Variants in PTCHD1 observed in about 807,000 individuals in gnomAD.
PTCHD1 encodes patched domain containing 1, also known as patched domain-containing protein 1.
Under a neutral mutation model 34.6 loss-of-function variants are expected in PTCHD1, and 3 were observed. The observed-to-expected ratio is 0.09, with a 90% confidence interval of 0.04 to 0.22. The LOEUF (loss-of-function observed/expected upper bound fraction) is 0.22, where lower values mean the gene tolerates loss of function less well. Among genes scored for constraint, PTCHD1 ranks in the 10% least tolerant of loss-of-function variants. The pLI is 1.00. For synonymous variants in PTCHD1, 305 were observed against 283.1 expected (o/e 1.08, Z -0.77); for missense variants, 504 against 685.5 (o/e 0.74, Z 2.96).
rs1923144728 is a variant in PTCHD1 at position 23,402,335 on chromosome X, C to T, written c.*8150C>T. 1 of 111,680 alleles carries T rather than the reference C, an allele frequency of 9.0e-6. No individual in the cohort carries two copies. The highest frequency in any genetic ancestry group is 3.3e-5 in the African/African-American group (1 of 30,639). The allele number at this position is 111,680 out of a possible 1,213,427, so 9.2% of individuals were successfully genotyped here. On this transcript the variant is annotated 3_prime_UTR_variant, in exon 3 of 3. Transcript: ENST00000379361. ...TCTCTCTCTCTCTCACACACACACA[C>T]ACAGAGTGGATGGGAGGGGACATTA... is the stretch of plus-strand genomic sequence containing the variant.
At chrX:23,366,241 T>TC (rs1170589704) in intron 1 of PTCHD1, among the ~76,000 whole-genome samples, 1 of 112,164 alleles carries the variant, frequency 8.9e-6, no homozygotes, top group East Asian at 2.8e-4. Flanking sequence ...GTTACACTCT[T>TC]CATCCTTTCC....
intron 1 of PTCHD1, among the ~76,000 whole-genome samples, chrX:23,348,906 T>C (rs926969382): frequency 1.8e-5 from 2 of 112,110 alleles, no homozygotes; most frequent in Admixed American, 9.5e-5. Flanking sequence ...TTTTTCTTAC[T>C]CTTAATTGAT....
intron 1 of PTCHD1, among the ~76,000 whole-genome samples, chrX:23,372,676 T>C (rs1238419540): frequency 9.0e-6 from 1 of 111,667 alleles, no homozygotes; most frequent in East Asian, 2.8e-4. Context: ...AGCTGTTGCC[T>C]GTTCCCAAGC....
At chrX:23,389,195 G>A (rs1032352686) in intron 2 of PTCHD1, among the ~76,000 whole-genome samples, 6 of 111,863 alleles carry the variant, frequency 5.4e-5, no homozygotes, top group South Asian at 7.5e-4. Flanking sequence ...ATATAATTCC[G>A]GCATTCTGGA....
intron 1 of PTCHD1, among the ~76,000 whole-genome samples, chrX:23,366,346 C>T (rs1346066904): frequency 8.9e-6 from 1 of 112,140 alleles, no homozygotes; most frequent in African/African-American, 3.2e-5. Context: ...CTCGCAGTTG[C>T]CCACAGGACA....
chrX:23,350,060 TAAAAAAAAAAAAAAA>T lies in PTCHD1; in HGVS notation c.351+14849_351+14863del, dbSNP rs57194123. ...CTAGGAAAGCTCCCTTTAGTGCTGT[TAAAAAAAAAAAAAAA>T]AAAAAAAAAAAAAAGACCTGTGTGG... On this transcript the variant is annotated intron_variant, in intron 1 of 2. Transcript: ENST00000379361. Among the ~76,000 whole-genome samples the T allele has an allele frequency of 5.8e-3, 234 of 40,432 alleles. 3 individuals carry two copies. The highest frequency in any genetic ancestry group is 0.024 in the African/African-American group (220 of 9,097). The allele number at this position is 40,432 out of a possible 115,157, so 35.1% of individuals were successfully genotyped here. A position where few individuals can be genotyped will look rare whatever the true frequency, so the allele number is the denominator to read the frequency against.
rs1045191092 is a variant in PTCHD1, at chrX:23,340,077, G to T, written c.351+4851G>T. Among the ~76,000 whole-genome samples the T allele has an allele frequency of 4.5e-5, 5 of 111,980 alleles. No individual in the cohort carries two copies. The South Asian group carries it at 1.1e-3, about 25-fold the overall frequency. ...ATCTAGTGGGTAGAGGCACAGCGTA[G>T]CCCCCACAACAACAAAATTACCCAG... is the stretch of plus-strand genomic sequence containing the variant. On this transcript the variant is annotated intron_variant, in intron 1 of 2. Coordinates refer to ENST00000379361, the MANE Select transcript of PTCHD1 (RefSeq NM_173495.3).
intron 2 of PTCHD1, among the ~76,000 whole-genome samples, chrX:23,387,536 T>C (rs929103229): frequency 4.4e-5 from 5 of 112,468 alleles, no homozygotes; most frequent in African/African-American, 9.7e-5. Flanking sequence ...CTTTAGTATT[T>C]TATTTTATTA....
intron 1 of PTCHD1, among the ~76,000 whole-genome samples, chrX:23,370,960 G>GC (rs1922261368): frequency 9.0e-6 from 1 of 111,227 alleles, no homozygotes; most frequent in Non-Finnish European, 1.9e-5. Flanking sequence ...TTGTCTGATA[G>GC]CCCCCTCAGG....
intron 1 of PTCHD1, among the ~76,000 whole-genome samples, chrX:23,358,654 A>C (rs976681369): frequency 1.8e-5 from 2 of 111,946 alleles, no homozygotes; most frequent in African/African-American, 6.5e-5. Context: ...TAGTTTAATT[A>C]GACCCCATTT....
At chrX:23,363,853 A>C (rs1027959863) in intron 1 of PTCHD1, among the ~76,000 whole-genome samples, 1 of 112,702 alleles carries the variant, frequency 8.9e-6, no homozygotes, top group Non-Finnish European at 1.9e-5. Flanking sequence ...CACTATGTAC[A>C]CCTGAGAGAA....
Position 23,394,190 on chromosome X carries a change from G to C in PTCHD1, c.*5G>C, listed in dbSNP as rs375501304. 1.7e-5 allele frequency: 20 copies of C among 1,152,537 alleles called. No homozygotes were observed. The highest frequency in any genetic ancestry group is 2.4e-5 in the Non-Finnish European group (20 of 847,948). The allele number at this position is 1,152,537 out of a possible 1,213,427, so 95.0% of individuals were successfully genotyped here. ...GACCAAATTACAACAGTGTGATAAT[G>C]TCTGCTTGGCATATTTTCACCTTAG... is the stretch of plus-strand genomic sequence containing the variant. On this transcript the variant is annotated 3_prime_UTR_variant, in exon 3 of 3. Coordinates refer to ENST00000379361, the MANE Select transcript of PTCHD1 (RefSeq NM_173495.3).
chrX:23,392,069 TC>T (rs1226809460), intron 2 of PTCHD1, among the ~76,000 whole-genome samples: 15 of 78,870 alleles, frequency 1.9e-4, no homozygotes, highest in African/African-American at 8.4e-4. Context: ...TTTCTTTCTT[TC>T]TTTCTTTTTT....
At chrX:23,391,777 C>G (rs1345366330) in intron 2 of PTCHD1, among the ~76,000 whole-genome samples, 2 of 111,937 alleles carry the variant, frequency 1.8e-5, no homozygotes, top group East Asian at 5.6e-4. Flanking sequence ...TTCTCTGGAG[C>G]GTTCCACCAA....
intron 1 of PTCHD1, among the ~76,000 whole-genome samples, chrX:23,342,869 T>G (rs1192391159): frequency 8.9e-6 from 1 of 112,176 alleles, no homozygotes; most frequent in Non-Finnish European, 1.9e-5. Flanking sequence ...TTCTCTCCCT[T>G]AAATCTATTG....
At chrX:23,355,058 C>T (rs191626253) in intron 1 of PTCHD1, among the ~76,000 whole-genome samples, 9 of 108,793 alleles carry the variant, frequency 8.3e-5, no homozygotes, top group African/African-American at 2.7e-4. Flanking sequence ...AGAAGCCAGC[C>T]AATTGCTGCG....
At chrX:23,354,708 G>A (rs1921753657) in intron 1 of PTCHD1, among the ~76,000 whole-genome samples, 1 of 107,336 alleles carries the variant, frequency 9.3e-6, no homozygotes, top group Non-Finnish European at 1.9e-5. Context: ...GAGTAGCTGC[G>A]ACTACAGGCG....
intron 1 of PTCHD1, among the ~76,000 whole-genome samples, chrX:23,345,703 C>G (rs7884040): frequency 0.095 from 10,576 of 110,769 alleles, 722 homozygotes; most frequent in East Asian, 0.52. Flanking sequence ...ACTTTCAGAG[C>G]CACTGCTATA....
chrX:23,342,040 T>C (rs12689227), intron 1 of PTCHD1, among the ~76,000 whole-genome samples: 5,934 of 108,194 alleles, frequency 0.055, 448 homozygotes, highest in East Asian at 0.53. Flanking sequence ...AAACAGTGAG[T>C]AGCAGGAAGC....
Sources: gnomAD v4.1 joint callset for allele counts (sites outside exome capture counted in the v4.1 genomes callset) on GRCh38, gnomAD v4.1.1 for gene constraint, MANE v1.5 for transcripts, NCBI Gene and HGNC (gene_info 2026-07-23, HGNC 2026-07-21) for gene names.